Variants in NPR1 observed in about 807,000 individuals in gnomAD.
The protein encoded by NPR1 is natriuretic peptide receptor 1.
NPR1 carries 57 observed loss-of-function variants against 116.9 expected under a neutral mutation model. The ratio of observed to expected loss-of-function variants is 0.49; its 90% confidence interval spans 0.39 to 0.61. NPR1 has a LOEUF of 0.61. Among genes scored for constraint, NPR1 ranks in the 20% least tolerant of loss-of-function variants. The probability of loss-of-function intolerance (pLI) is 0.00; values close to 1 mark genes in which losing one functional copy is unlikely to be tolerated. For synonymous variants in NPR1, 555 were observed against 601.6 expected (o/e 0.92, Z 1.13); for missense variants, 1,096 against 1,409.8 (o/e 0.78, Z 3.56).
intron 14 of NPR1, 67 bp downstream of exon 14, chr1:153,687,856 T>TC: frequency 6.8e-7 from 1 of 1,475,496 alleles, no homozygotes; most frequent in Non-Finnish European, 9.2e-7. Context: ...AGGGAGAGGG[T>TC]CCCCTGGCAG....
At chr1:153,681,500 T>G (rs932915994) in intron 3 of NPR1, 1 of 650,408 alleles carries the variant, frequency 1.5e-6, no homozygotes, top group African/African-American at 1.8e-5. Flanking sequence ...AGACGATACA[T>G]CCTGCCCTGT....
At position 153,679,181 on chromosome 1, in the gene NPR1, C is replaced by T; in HGVS notation, c.73C>T (p.Leu25=). 1.3e-6 allele frequency: 2 copies of T among 1,507,448 alleles called. No individual in the cohort carries two copies. Among genetic ancestry groups the T allele is most frequent in the Non-Finnish European group, 1.8e-6 (2 of 1,133,740 alleles). 93.4% of individuals were successfully genotyped at this position (1,507,448 alleles called of 1,614,324 possible). Residue 25 remains leucine (L), a synonymous_variant, in exon 1 of 22, where the codon CTG becomes TTG. Coordinates refer to ENST00000368680, the MANE Select transcript of NPR1 (RefSeq NM_000906.4). This position sits in a 1 kb window ranked among gnomAD's most constrained non-coding sequence, Gnocchi z 4.2. ...LLLLLLPPLL[L]LLRGSHAGNL... is the part of the protein sequence containing the mutation. The stretch of plus-strand genomic sequence containing the variant: ...GCTCCTGCTGCTGCCGCCGCTGCTG[C>T]TGCTGCTCCGGGGCAGCCACGCGGG...
chr1:153,685,884 G>A lies in NPR1; in HGVS notation c.1680+4G>A, dbSNP rs1437847438. The stretch of plus-strand genomic sequence containing the variant: ...TGCCAAGACAGCATATTATAAGGTG[G>A]GCCTGGGGAAAGATCACTGGGCCTT... On this transcript the variant is annotated splice_donor_region_variant and intron_variant, in intron 9 of 21. Transcript: ENST00000368680. The A allele has an allele frequency of 6.2e-7, 1 of 1,613,430 alleles. No individual in the cohort carries two copies. The highest frequency in any genetic ancestry group is 8.5e-7 in the Non-Finnish European group (1 of 1,179,446).
At chr1:153,690,882 G>A (rs1670089331) in intron 20 of NPR1, among the ~76,000 whole-genome samples, 1 of 145,806 alleles carries the variant, frequency 6.9e-6, no homozygotes, top group Admixed American at 7.0e-5. Context: ...GGCAGAGGTT[G>A]CGATGAGCCA....
chr1:153,690,042 C>A, intron 19 of NPR1, 62 bp downstream of exon 19: 1 of 1,405,708 alleles, frequency 7.1e-7, no homozygotes. Flanking sequence ...GGAAACTTGT[C>A]CCCTGGCCCA....
chr1:153,688,112 C>T lies in NPR1; in HGVS notation c.2308C>T (p.Gln770Ter). 4.3e-6 allele frequency: 7 copies of T among 1,613,658 alleles called. No homozygotes were observed. The highest frequency in any genetic ancestry group is 5.9e-6 in the Non-Finnish European group (7 of 1,179,672). The change falls in exon 15 of 22, where the codon CAG becomes TAG. Residue 770 changes from glutamine to a stop codon, truncating the protein, a stop_gained. Coordinates refer to ENST00000368680, the MANE Select transcript of NPR1 (RefSeq NM_000906.4). LOFTEE classifies it high-confidence loss of function. Reference sequence around the variant, plus strand: ...CCCCTTCCGGCCCTCCCTGGCCCTGCAGAGTCACCTGGAGGAGTTGGGGCT... The same window carrying T: ...CCCCTTCCGGCCCTCCCTGGCCCTGTAGAGTCACCTGGAGGAGTTGGGGCT... ...QPPFRPSLAL[Q>*]SHLEELGLLM...
chr1:153,687,646 C>T lies in NPR1; in HGVS notation c.2105C>T (p.Thr702Met), dbSNP rs747779149. Residue 702 changes from threonine to methionine, a missense_variant, in exon 14 of 22, where the codon ACG becomes ATG. Coordinates refer to ENST00000368680, the MANE Select transcript of NPR1 (RefSeq NM_000906.4). ...CTCTGACCCACAGAAAAGCTGTGGA[C>T]GGCCCCTGAGCTCCTGCGAATGGCT... The part of the protein sequence containing the change: ...GHTVYAKKLW[T>M]APELLRMASP... The T allele has an allele frequency of 1.9e-5, 30 of 1,587,512 alleles. 1 individual carries two copies. In the African/African-American group the frequency reaches 2.3e-4, roughly 12 times the overall value.
chr1:153,693,248 TTAC>T, intron 21 of NPR1, 51 bp downstream of exon 21: 1 of 1,601,906 alleles, frequency 6.2e-7, no homozygotes, highest in Non-Finnish European at 8.5e-7. Flanking sequence ...CTAGAGGGAG[TTAC>T]CCTTCTCAAG....
At chr1:153,681,511 C>A (rs1450876883) in intron 3 of NPR1, 193 bp from the exon 4 acceptor site, 3 of 664,782 alleles carry the variant, frequency 4.5e-6, no homozygotes, top group South Asian at 1.9e-5. Flanking sequence ...CCTGCCCTGT[C>A]TACCTAGTAG....
Position 153,693,595 on chromosome 1 carries a change from G to A in NPR1, c.*181G>A. 5.4e-6 allele frequency: 3 copies of A among 551,206 alleles called. No individual in the cohort carries two copies. Among genetic ancestry groups the A allele is most frequent in the Non-Finnish European group, 9.4e-6 (3 of 319,422 alleles). 34.1% of individuals were successfully genotyped at this position (551,206 alleles called of 1,614,324 possible). On this transcript the variant is annotated 3_prime_UTR_variant, in exon 22 of 22. Coordinates refer to ENST00000368680, the MANE Select transcript of NPR1 (RefSeq NM_000906.4). Reference sequence around the variant, plus strand: ...GACCTCTGAGAGGGGACTGGCATGGGGGGATCTCAGAGCTTACAGGCTGAG... The same window carrying A: ...GACCTCTGAGAGGGGACTGGCATGGAGGGATCTCAGAGCTTACAGGCTGAG...
In NPR1 at chr1:153,688,993, A is replaced by G. The variant is rs750584469; in HGVS notation, c.2458A>G (p.Met820Val). Reference sequence around the variant, plus strand: ...CATCCTGGACAACCTGCTGTCCCGCATGGAGCAGTACGCGAACAATCTGGA... The same window carrying G: ...CATCCTGGACAACCTGCTGTCCCGCGTGGAGCAGTACGCGAACAATCTGGA... The part of the protein sequence containing the change: ...SNILDNLLSR[M>V]EQYANNLEEL... Residue 820 changes from methionine to valine, a missense_variant, in exon 16 of 22, where the codon ATG becomes GTG. Met to Val is a conservative substitution (Grantham distance 21, BLOSUM62 1). Transcript: ENST00000368680. The G allele has an allele frequency of 2.7e-5, 43 of 1,614,016 alleles. No individual in the cohort carries two copies. Among genetic ancestry groups the G allele is most frequent in the Non-Finnish European group, 3.3e-5 (39 of 1,180,036 alleles).
chr1:153,685,146 C>A (rs1669894321), intron 8 of NPR1, 62 bp downstream of exon 8: 1 of 1,587,676 alleles, frequency 6.3e-7, no homozygotes, highest in South Asian at 1.1e-5. Context: ...AGGGGCAGTG[C>A]CTGAGGGATA....
chr1:153,684,817 C>A, intron 7 of NPR1, 147 bp from the exon 8 acceptor site: 1 of 1,115,052 alleles, frequency 9.0e-7, no homozygotes, highest in Non-Finnish European at 1.3e-6. Flanking sequence ...TTCCCCCAGC[C>A]ATCCTGATTC....
intron 14 of NPR1, 35 bp from the exon 15 acceptor site, chr1:153,688,017 GC>G: frequency 6.7e-7 from 1 of 1,492,188 alleles, no homozygotes; most frequent in Non-Finnish European, 9.2e-7. Flanking sequence ...CCCTTGGCCA[GC>G]CCCACCCCTC....
intron 7 of NPR1, 43 bp downstream of exon 7, chr1:153,683,867 G>A (rs751911561): frequency 1.3e-6 from 2 of 1,575,688 alleles, no homozygotes; most frequent in African/African-American, 1.4e-5. Flanking sequence ...GGGGGACCCG[G>A]AGAACCAATA....
Position 153,689,586 on chromosome 1 carries a change from G to T in NPR1, c.2757+65G>T. 1 of 1,487,868 alleles carries T rather than the reference G, an allele frequency of 6.7e-7. No homozygotes were observed. The highest frequency in any genetic ancestry group is 1.1e-5 in the South Asian group (1 of 88,534). The allele number at this position is 1,487,868 out of a possible 1,614,324, so 92.2% of individuals were successfully genotyped here. ...TGGACAAGGTCAGAAAAAGATGAGG[G>T]GTAGGCAGAATGATGTGGAGTCTTA... On this transcript the variant is annotated intron_variant, in intron 18 of 21. Transcript: ENST00000368680. This position sits in a 1 kb window ranked among gnomAD's most constrained non-coding sequence, Gnocchi z 5.1.
chr1:153,684,261 G>T (rs766817846), intron 7 of NPR1, among the ~76,000 whole-genome samples: 1 of 152,108 alleles, frequency 6.6e-6, no homozygotes, highest in South Asian at 2.1e-4. Context: ...CCGTCCAGTG[G>T]AGGCTAAAAT....
Position 153,679,376 on chromosome 1 carries a change from G to C in NPR1, c.268G>C (p.Gly90Arg). Reference protein sequence around the residue: ...TVLGSSENALGVCSDTAAPLA... With the variant: ...TVLGSSENALRVCSDTAAPLA... ...GCTGGGCAGCAGCGAAAACGCGCTG[G>C]GCGTCTGCTCCGACACCGCAGCGCC... The change falls in exon 1 of 22, where the codon GGC becomes CGC. Residue 90 changes from glycine to arginine, a missense_variant. By Grantham distance (125) the Gly-to-Arg change is moderately radical. Transcript: ENST00000368680. The surrounding 1 kb of genome is among the most constrained non-coding windows in gnomAD (Gnocchi z 4.2). The C allele has an allele frequency of 6.5e-7, 1 of 1,540,044 alleles. No individual in the cohort carries two copies. Among genetic ancestry groups the C allele is most frequent in the Non-Finnish European group, 8.7e-7 (1 of 1,148,468 alleles).
intron 7 of NPR1, 111 bp from the exon 8 acceptor site, chr1:153,684,853 T>G (rs746463853): frequency 1.7e-5 from 23 of 1,389,802 alleles, no homozygotes; most frequent in Non-Finnish European, 2.3e-5. Context: ...GAATTCCCCC[T>G]CCATCTCTGA....
Sources: allele counts gnomAD v4.1 joint callset (sites outside exome capture counted in the v4.1 genomes callset), GRCh38; gene constraint gnomAD v4.1.1; non-coding constraint Gnocchi (gnomAD v3.1); transcripts MANE v1.5; gene names NCBI Gene and HGNC (gene_info 2026-07-23, HGNC 2026-07-21).